The following PKIA variants were observed in gnomAD, a reference collection of about 807,000 sequenced individuals.
PKIA encodes PKI-alpha.
In PKIA, 4 loss-of-function variants were observed where a neutral mutation model predicts 7.6. That is an observed-to-expected ratio of 0.52 (90% CI 0.26 to 1.20). The LOEUF (loss-of-function observed/expected upper bound fraction) is 1.20, where lower values mean the gene tolerates loss of function less well. PKIA is among the 50% of genes most tolerant of loss of function. The pLI is 0.13. For synonymous variants in PKIA, 21 were observed against 30.7 expected (o/e 0.68, Z 1.04); for missense variants, 73 against 86.2 (o/e 0.85, Z 0.61).
intron 2 of PKIA, among the ~76,000 whole-genome samples, chr8:78,585,742 T>A (rs889805693): frequency 1.3e-5 from 2 of 152,152 alleles, no homozygotes; most frequent in African/African-American, 4.8e-5. Flanking sequence ...GGAGTAGATA[T>A]TTAGACACTG....
At chr8:78,568,934 T>A (rs905849790) in intron 1 of PKIA, among the ~76,000 whole-genome samples, 1 of 152,122 alleles carries the variant, frequency 6.6e-6, no homozygotes, top group Non-Finnish European at 1.5e-5. Context: ...AGCACTGTGG[T>A]TCCCCCACCA....
intron 1 of PKIA, among the ~76,000 whole-genome samples, chr8:78,563,848 G>A (rs1210087481): frequency 1.3e-5 from 2 of 152,130 alleles, no homozygotes; most frequent in Non-Finnish European, 2.9e-5. Flanking sequence ...TTTTAAATAG[G>A]AGTTAGTGGT....
chr8:78,548,104 A>C (rs1057023794), intron 1 of PKIA, among the ~76,000 whole-genome samples: 45 of 152,134 alleles, frequency 3.0e-4, no homozygotes, highest in African/African-American at 1.0e-3. Flanking sequence ...ATTATTAGAA[A>C]ATATATCTTA....
At chr8:78,536,327 C>T (rs941597095) in intron 1 of PKIA, among the ~76,000 whole-genome samples, 1 of 151,868 alleles carries the variant, frequency 6.6e-6, no homozygotes, top group Non-Finnish European at 1.5e-5. Context: ...GCAACAAAAA[C>T]ATGATATATG....
At chr8:78,562,233 T>C (rs1194640642) in intron 1 of PKIA, among the ~76,000 whole-genome samples, 5 of 152,204 alleles carry the variant, frequency 3.3e-5, no homozygotes, top group Non-Finnish European at 7.3e-5. Context: ...TATATTAATA[T>C]AGTCTAGTTG....
At chr8:78,523,320 T>C (rs982770464) in intron 1 of PKIA, among the ~76,000 whole-genome samples, 11 of 151,964 alleles carry the variant, frequency 7.2e-5, no homozygotes, top group Non-Finnish European at 1.2e-4. Flanking sequence ...ATTTCTCCTA[T>C]GGTTTACCTC....
intron 1 of PKIA, chr8:78,534,962 TAA>T (rs1445607238): frequency 6.6e-6 from 1 of 152,160 alleles, no homozygotes; most frequent in African/African-American, 2.4e-5. Context: ...CTAAGGCATT[TAA>T]AGTTTCCCTG....
At chr8:78,532,408 C>A (rs1369464346) in intron 1 of PKIA, among the ~76,000 whole-genome samples, 2 of 151,608 alleles carry the variant, frequency 1.3e-5, no homozygotes, top group Non-Finnish European at 2.9e-5. Context: ...TCTATCATAA[C>A]TGCTTCCCTA....
At chr8:78,562,565 G>A (rs1266681668) in intron 1 of PKIA, among the ~76,000 whole-genome samples, 1 of 152,080 alleles carries the variant, frequency 6.6e-6, no homozygotes, top group Non-Finnish European at 1.5e-5. Context: ...CAAGTCCTGG[G>A]ATGCAGCAAG....
chr8:78,566,649 T>C (rs761579199), intron 1 of PKIA, among the ~76,000 whole-genome samples: 19 of 152,118 alleles, frequency 1.2e-4, no homozygotes, highest in Non-Finnish European at 1.5e-5. Flanking sequence ...GTAGAAAATG[T>C]ATTTTAAAAA....
At chr8:78,577,764 T>C (rs566439084) in intron 2 of PKIA, among the ~76,000 whole-genome samples, 2 of 152,162 alleles carry the variant, frequency 1.3e-5, no homozygotes, top group African/African-American at 4.8e-5. Flanking sequence ...TTTAGTGTAA[T>C]TGGATGTTAA....
chr8:78,599,286 A>G (rs372589242), intron 3 of PKIA, among the ~76,000 whole-genome samples: 3 of 152,086 alleles, frequency 2.0e-5, no homozygotes, highest in African/African-American at 7.2e-5. Flanking sequence ...ACTTGTGTAA[A>G]AATAACCCTT....
chr8:78,537,719 AGAAT>A (rs1806567235), intron 1 of PKIA, among the ~76,000 whole-genome samples: 1 of 151,758 alleles, frequency 6.6e-6, no homozygotes, highest in South Asian at 2.1e-4. Flanking sequence ...AAATACTTCT[AGAAT>A]GAAAGAAAAT....
intron 2 of PKIA, 43 bp downstream of exon 2, chr8:78,572,982 G>C (rs532069721): frequency 5.3e-5 from 8 of 152,122 alleles, no homozygotes; most frequent in African/African-American, 1.9e-4. Context: ...CTTAAAATAA[G>C]TATGCTGAGA....
At chr8:78,542,278 CCT>C (rs1346067180) in intron 1 of PKIA, among the ~76,000 whole-genome samples, 4 of 152,082 alleles carry the variant, frequency 2.6e-5, no homozygotes, top group South Asian at 2.1e-4. Context: ...GTACTATGGC[CCT>C]CTCTCTGTTC....
intron 1 of PKIA, among the ~76,000 whole-genome samples, chr8:78,566,139 G>A (rs927835830): frequency 1.3e-5 from 2 of 152,128 alleles, no homozygotes; most frequent in African/African-American, 4.8e-5. Context: ...CAAAGGAAAC[G>A]TGTAAAAATG....
At chr8:78,582,685 C>T (rs1807843202) in intron 2 of PKIA, among the ~76,000 whole-genome samples, 1 of 152,036 alleles carries the variant, frequency 6.6e-6, no homozygotes, top group South Asian at 2.1e-4. Flanking sequence ...AATGAAAATA[C>T]GTTCTTCAAG....
rs886382083 is a variant in PKIA, at chr8:78,603,643, A to G, written c.*1822A>G. On this transcript the variant is annotated 3_prime_UTR_variant, in exon 4 of 4. Coordinates refer to ENST00000396418, the MANE Select transcript of PKIA (RefSeq NM_006823.4). ...ACCTATTAATAGACTTACAAGTGAG[A>G]AAAGAGGTTCCTAGGGTTATTTTAG... The G allele has an allele frequency of 7.9e-5, 12 of 152,134 alleles. No individual in the cohort carries two copies. Among genetic ancestry groups the G allele is most frequent in the African/African-American group, 2.9e-4 (12 of 41,554 alleles). 9.4% of individuals were successfully genotyped at this position (152,134 alleles called of 1,614,324 possible). A position where few individuals can be genotyped will look rare whatever the true frequency, so the allele number is the denominator to read the frequency against.
At chr8:78,586,502 G>A (rs910510082) in intron 2 of PKIA, among the ~76,000 whole-genome samples, 2 of 151,986 alleles carry the variant, frequency 1.3e-5, no homozygotes, top group African/African-American at 2.4e-5. Context: ...CTGAATATGA[G>A]GAACATCACC....
Sources: gnomAD v4.1 joint callset for allele counts (sites outside exome capture counted in the v4.1 genomes callset) on GRCh38, gnomAD v4.1.1 for gene constraint, MANE v1.5 for transcripts, NCBI Gene and HGNC (gene_info 2026-07-23, HGNC 2026-07-21) for gene names.